Variants in CACNA1D observed in about 807,000 individuals in gnomAD.
The protein encoded by CACNA1D is calcium voltage-gated channel subunit alpha1 D.
Under a neutral mutation model 257.1 loss-of-function variants are expected in CACNA1D, and 55 were observed. The ratio of observed to expected loss-of-function variants is 0.21; its 90% confidence interval spans 0.17 to 0.27. The LOEUF is 0.27. CACNA1D is among the 10% of genes least tolerant of loss of function. The probability of loss-of-function intolerance (pLI) is 1.00; values close to 1 mark genes in which losing one functional copy is unlikely to be tolerated. For synonymous variants in CACNA1D, 980 were observed against 1,014.9 expected, an observed-to-expected ratio of 0.97 and a Z score of 0.65; for missense variants, 1,876 against 2,784.0, an observed-to-expected ratio of 0.67 and a Z score of 7.34.
chr3:53,691,881 A>ATATATATTATATATATTACATATAT (rs2094530594), intron 8 of CACNA1D, among the ~76,000 whole-genome samples: 1 of 97,896 alleles, frequency 1.0e-5, no homozygotes, highest in Non-Finnish European at 2.0e-5. Context: ...ATTACATATA[A>ATATATATTATATATATTACATATAT]TATATATTAT....
Position 53,666,544 on chromosome 3 carries a change from C to G in CACNA1D, c.1116+9C>G, listed in dbSNP as rs1279995657. On this transcript the variant is annotated intron_variant, in intron 7 of 47. Transcript: ENST00000350061. Reference sequence around the variant, plus strand: ...CAGATGTGCTCTACTGGGTAAGTACCCTGGGGAGAGAGTTTATGGAGTGTT... The same window carrying G: ...CAGATGTGCTCTACTGGGTAAGTACGCTGGGGAGAGAGTTTATGGAGTGTT... The G allele has an allele frequency of 6.2e-7, 1 of 1,606,216 alleles. No individual in the cohort carries two copies. Among genetic ancestry groups the G allele is most frequent in the Non-Finnish European group, 8.5e-7 (1 of 1,172,960 alleles).
At chr3:53,503,071 C>G (rs189419949) in intron 3 of CACNA1D, among the ~76,000 whole-genome samples, 1 of 152,114 alleles carries the variant, frequency 6.6e-6, no homozygotes, top group African/African-American at 2.4e-5. Context: ...TAAGCCTTAA[C>G]GATTTATGTA....
intron 40 of CACNA1D, among the ~76,000 whole-genome samples, chr3:53,799,381 G>GA (rs1187652752): frequency 1.3e-5 from 2 of 152,196 alleles, no homozygotes; most frequent in Non-Finnish European, 2.9e-5. Flanking sequence ...ATGAACAATG[G>GA]AAGGGCTTAT....
intron 3 of CACNA1D, among the ~76,000 whole-genome samples, chr3:53,614,217 A>T (rs1162100370): frequency 1.3e-5 from 2 of 151,960 alleles, no homozygotes; most frequent in African/African-American, 4.8e-5. Context: ...TGAGATCCAG[A>T]TCTTGTTGCA....
chr3:53,608,823 C>T (rs2093546659), intron 3 of CACNA1D, among the ~76,000 whole-genome samples: 1 of 152,196 alleles, frequency 6.6e-6, no homozygotes, highest in Non-Finnish European at 1.5e-5. Context: ...TTAGGATAAA[C>T]ATCACTTGAT....
At chr3:53,535,142 C>T (rs987709053) in intron 3 of CACNA1D, among the ~76,000 whole-genome samples, 1 of 152,212 alleles carries the variant, frequency 6.6e-6, no homozygotes, top group South Asian at 2.1e-4. Flanking sequence ...CCTAGAGCTG[C>T]ATGCCACGTC....
rs1158310548 is a variant in CACNA1D at position 53,802,163 on chromosome 3, A to G, written c.5425A>G (p.Thr1809Ala). 16 of 1,608,178 alleles carry G rather than the reference A, an allele frequency of 9.9e-6. No homozygotes were observed. The highest frequency in any genetic ancestry group is 1.4e-5 in the Non-Finnish European group (16 of 1,174,554). ...CCTGGATAGAACCCGCTATTATGAAACTTACATTAGGTATGTGCTCATTAC... is the reference window on the plus strand; with the variant it reads ...CCTGGATAGAACCCGCTATTATGAAGCTTACATTAGGTATGTGCTCATTAC... ...SSVKRTRYYE[T>A]YIRSDSGDEQ... Residue 1809 changes from threonine to alanine, a missense_variant, in exon 43 of 48, where the codon ACT (threonine) becomes GCT (alanine). Around this residue, in one of 10 missense-constraint regions of CACNA1D, gnomAD observed 491 missense variants for 554.3 expected, o/e 0.89. Transcript: ENST00000350061.
intron 9 of CACNA1D, among the ~76,000 whole-genome samples, chr3:53,717,967 G>A (rs1257560865): frequency 6.6e-6 from 1 of 152,230 alleles, no homozygotes; most frequent in Non-Finnish European, 1.5e-5. Flanking sequence ...GCTTCTCAGT[G>A]TGATCCCAGA....
chr3:53,598,444 G>A (rs1214981772), intron 3 of CACNA1D, among the ~76,000 whole-genome samples: 2 of 151,800 alleles, frequency 1.3e-5, no homozygotes, highest in Non-Finnish European at 2.9e-5. Context: ...ATTAGTTTGG[G>A]CATGGTGGCT....
At chr3:53,741,923 A>G (rs1010676427) in intron 21 of CACNA1D, among the ~76,000 whole-genome samples, 7 of 152,178 alleles carry the variant, frequency 4.6e-5, no homozygotes, top group Non-Finnish European at 1.0e-4. Context: ...AAAAGGAAAA[A>G]AATGATTGTT....
chr3:53,550,294 T>C (rs959238882), intron 3 of CACNA1D, among the ~76,000 whole-genome samples: 1 of 152,060 alleles, frequency 6.6e-6, no homozygotes, highest in Non-Finnish European at 1.5e-5. Context: ...AGCAGTGTGG[T>C]TCTCCTCTGT....
At chr3:53,742,665 T>A (rs2095129366) in intron 21 of CACNA1D, among the ~76,000 whole-genome samples, 1 of 152,194 alleles carries the variant, frequency 6.6e-6, no homozygotes, top group Non-Finnish European at 1.5e-5. Context: ...TGTGGGGAAG[T>A]GGGCTCTCCG....
At chr3:53,610,462 A>G (rs2093569405) in intron 3 of CACNA1D, among the ~76,000 whole-genome samples, 2 of 152,286 alleles carry the variant, frequency 1.3e-5, no homozygotes, top group African/African-American at 4.8e-5. Context: ...TCCTTGATGA[A>G]CTGATGACTT....
intron 3 of CACNA1D, among the ~76,000 whole-genome samples, chr3:53,638,468 T>C (rs1177180051): frequency 6.6e-6 from 1 of 152,234 alleles, no homozygotes; most frequent in Non-Finnish European, 1.5e-5. Context: ...GGCTGGTGGC[T>C]GGGGCAGGGC....
At chr3:53,684,596 C>A (rs2094458346) in intron 8 of CACNA1D, among the ~76,000 whole-genome samples, 1 of 132,708 alleles carries the variant, frequency 7.5e-6, no homozygotes, top group African/African-American at 2.8e-5. Flanking sequence ...GCACTCCAGC[C>A]TGGGCAACAA....
intron 7 of CACNA1D, among the ~76,000 whole-genome samples, chr3:53,669,029 C>T (rs760721085): frequency 3.3e-5 from 5 of 152,258 alleles, no homozygotes; most frequent in Non-Finnish European, 7.3e-5. Context: ...GCACTCTTTC[C>T]TTGGCATTCT....
At chr3:53,733,427 T>TC (rs1197287739) in intron 19 of CACNA1D, among the ~76,000 whole-genome samples, 1 of 152,022 alleles carries the variant, frequency 6.6e-6, no homozygotes, top group Non-Finnish European at 1.5e-5. Context: ...TCCTCATAGA[T>TC]CCCCCACTTG....
intron 8 of CACNA1D, among the ~76,000 whole-genome samples, chr3:53,682,375 A>AAAAAACAAAAAAAAAAAC (rs2094438848): frequency 9.9e-6 from 1 of 101,426 alleles, no homozygotes; most frequent in Non-Finnish European, 2.0e-5. Flanking sequence ...TAAAAAAAAA[A>AAAAAACAAAAAAAAAAAC]AAAAAAAAAA....
intron 3 of CACNA1D, among the ~76,000 whole-genome samples, chr3:53,574,828 C>T (rs1442966339): frequency 6.6e-6 from 1 of 152,166 alleles, no homozygotes; most frequent in Non-Finnish European, 1.5e-5. Context: ...AGCCAGAGAG[C>T]CCAAAGTAAG....
Sources: gnomAD v4.1 joint callset for allele counts (sites outside exome capture counted in the v4.1 genomes callset) on GRCh38, gnomAD v4.1.1 for gene constraint, gnomAD v4.1.1 regional missense constraint, MANE v1.5 for transcripts, NCBI Gene and HGNC (gene_info 2026-07-23, HGNC 2026-07-21) for gene names.